Variants in PPM1N observed in about 807,000 individuals in gnomAD.
The protein encoded by PPM1N is protein phosphatase, Mg2+/Mn2+ dependent 1N (putative), also known as probable protein phosphatase 1N.
PPM1N carries 35 observed loss-of-function variants against 32.6 expected under a neutral mutation model. The ratio of observed to expected loss-of-function variants is 1.07; its 90% CI spans 0.82 to 1.43. The LOEUF is 1.43. PPM1N is among the 40% of genes most tolerant of loss of function. The pLI is 0.00. For synonymous variants in PPM1N, 275 were observed against 270.5 expected, an observed-to-expected ratio of 1.02 and a Z score of -0.16; for missense variants, 648 against 606.6, an observed-to-expected ratio of 1.07 and a Z score of -0.72.
intron 4 of PPM1N, 41 bp downstream of exon 4, chr19:45,500,751 A>ATGGCCCCCCCCC: frequency 6.7e-7 from 1 of 1,503,606 alleles, no homozygotes; most frequent in South Asian, 1.2e-5. Flanking sequence ...TTAGGAGGGG[A>ATGGCCCCCCCCC]CGCCCCCCCG....
chr19:45,500,796 G>C, intron 4 of PPM1N, 86 bp downstream of exon 4: 1 of 996,324 alleles, frequency 1.0e-6, no homozygotes, highest in African/African-American at 1.8e-5. Context: ...ATTGAAGCCA[G>C]TGAGGATAAG....
Position 45,499,420 on chromosome 19 carries a change from G to A in PPM1N, c.939+9G>A, listed in dbSNP as rs1968371911. On this transcript the variant is annotated intron_variant, in intron 1 of 4. Coordinates refer to ENST00000451287, the MANE Select transcript of PPM1N (RefSeq NM_001080401.2). ...ACACGTGTCTGTGCAAGGTCCTGGG[G>A]GCGTGGCGTGGTACCTTTGGGGCTT... is the stretch of plus-strand genomic sequence containing the variant. The A allele has an allele frequency of 6.3e-7, 1 of 1,597,620 alleles. No individual in the cohort carries two copies. The highest frequency in any genetic ancestry group is 8.5e-7 in the Non-Finnish European group (1 of 1,172,180).
chr19:45,499,378 C>T lies in PPM1N; in HGVS notation c.906C>T (p.Leu302=), dbSNP rs756655890. The T allele has an allele frequency of 6.2e-7, 1 of 1,606,522 alleles. No individual in the cohort carries two copies. The highest frequency in any genetic ancestry group is 1.1e-5 in the South Asian group (1 of 90,172). Residue 302 remains leucine, a synonymous_variant, in exon 1 of 5, where the codon CTC becomes CTT. Coordinates refer to ENST00000451287, the MANE Select transcript of PPM1N (RefSeq NM_001080401.2). The part of the protein sequence containing the change: ...RLRLGLAPEL[L]CAQLLDTCLC... ...GCTTGGGCCTGGCCCCAGAGCTTCT[C>T]TGCGCGCAGCTGTTGGACACGTGTC... is the stretch of plus-strand genomic sequence containing the variant.
At position 45,499,282 on chromosome 19, in the gene PPM1N, C is replaced by T. The variant is rs756498633; in HGVS notation, c.810C>T (p.Leu270=). ...LARQAEDEFM[L]LASDGVWDTV... Reference sequence around the variant, plus strand: ...GCCAGGCTGAGGACGAGTTCATGCTCCTGGCCTCTGATGGCGTCTGGGACA... The same window carrying T: ...GCCAGGCTGAGGACGAGTTCATGCTTCTGGCCTCTGATGGCGTCTGGGACA... The change falls in exon 1 of 5, where the codon CTC becomes CTT. Residue 270 remains leucine (L), a synonymous_variant. Transcript: ENST00000451287. The T allele has an allele frequency of 4.3e-6, 7 of 1,612,846 alleles. No individual in the cohort carries two copies. The African/African-American group carries it at 5.3e-5, about 12-fold the overall frequency.
Position 45,502,048 on chromosome 19 carries a change from C to G in PPM1N, c.1256C>G (p.Pro419Arg). ...CAGGATGGGGCTGGGAAGTCCAACC[C>G]CACGCATTTGGGCTCAGCCTTGGAC... Reference protein sequence around the residue: ...KGQDGAGKSNPTHLGSALDME... With the variant: ...KGQDGAGKSNRTHLGSALDME... Residue 419 changes from proline to arginine, a missense_variant, in exon 5 of 5, where the codon CCC becomes CGC. Coordinates refer to ENST00000451287, the MANE Select transcript of PPM1N (RefSeq NM_001080401.2). The G allele has an allele frequency of 1.3e-6, 2 of 1,547,006 alleles. No individual in the cohort carries two copies. Among genetic ancestry groups the G allele is most frequent in the African/African-American group, 1.4e-5 (1 of 70,102 alleles).
rs1261386742 is a variant in PPM1N at position 45,498,753 on chromosome 19, C to T, written c.281C>T (p.Pro94Leu). 6.4e-7 allele frequency: 1 copy of T among 1,557,754 alleles called. No individual in the cohort carries two copies. Among genetic ancestry groups the T allele is most frequent in the African/African-American group, 1.4e-5 (1 of 71,412 alleles). Residue 94 changes from proline to leucine, a missense_variant, in exon 1 of 5, where the codon CCG becomes CTG. Coordinates refer to ENST00000451287, the MANE Select transcript of PPM1N (RefSeq NM_001080401.2). ...CTWLSLPGLP[P>L]GWALFAVLDG... ...TGGCTTTCGTTACCTGGTCTGCCCC[C>T]GGGCTGGGCCTTGTTTGCCGTCCTC...
At chr19:45,499,432 T>A in intron 1 of PPM1N, 21 bp downstream of exon 1, 2 of 1,594,916 alleles carry the variant, frequency 1.3e-6, no homozygotes, top group Non-Finnish European at 1.7e-6. Flanking sequence ...CGTGGCGTGG[T>A]ACCTTTGGGG....
At position 45,498,872 on chromosome 19, in the gene PPM1N, G is replaced by A. The variant is rs9636110; in HGVS notation, c.400G>A (p.Glu134Lys). The change falls in exon 1 of 5, where the codon GAG becomes AAG. Residue 134 changes from glutamate to lysine, a missense_variant. Physicochemically the swap from Glu to Lys is moderately conservative, Grantham distance 56. Coordinates refer to ENST00000451287, the MANE Select transcript of PPM1N (RefSeq NM_001080401.2). ...QELGPEPSEP[E>K]GVREALRRAF... ...GCTGGGCCCGGAGCCTAGCGAGCCCGAGGGCGTGCGCGAGGCGCTGCGCCG... is the reference window on the plus strand; with the variant it reads ...GCTGGGCCCGGAGCCTAGCGAGCCCAAGGGCGTGCGCGAGGCGCTGCGCCG... 3 of 1,518,234 alleles carry A rather than the reference G, an allele frequency of 2.0e-6. No homozygotes were observed. Among genetic ancestry groups the A allele is most frequent in the East Asian group, 5.1e-5 (2 of 39,054 alleles). The allele number at this position is 1,518,234 out of a possible 1,614,324, so 94.0% of individuals were successfully genotyped here.
rs1226462696 is a variant in PPM1N, at chr19:45,498,981, T to C, written c.509T>C (p.Val170Ala). 1.3e-6 allele frequency: 2 copies of C among 1,563,010 alleles called. No homozygotes were observed. The highest frequency in any genetic ancestry group is 1.7e-6 in the Non-Finnish European group (2 of 1,163,824). Reference sequence around the variant, plus strand: ...GGCTGCACGGCCGTGGTGTTGCTGGTCTCCCCGCGGTTTCTGTACCTGGCG... The same window carrying C: ...GGCTGCACGGCCGTGGTGTTGCTGGCCTCCCCGCGGTTTCTGTACCTGGCG... ...TGGCTAVVLL[V>A]SPRFLYLAHC... The change falls in exon 1 of 5, where the codon GTC (valine) becomes GCC (alanine). Residue 170 changes from valine to alanine, a missense_variant. Transcript: ENST00000451287.
intron 2 of PPM1N, 83 bp downstream of exon 2, chr19:45,500,149 T>TC: frequency 5.4e-6 from 8 of 1,471,874 alleles, no homozygotes; most frequent in Non-Finnish European, 7.2e-6. Flanking sequence ...TTCTTTTTTT[T>TC]TTTGAGATGG....
At chr19:45,499,531 A>G (rs938958674) in intron 1 of PPM1N, 120 bp downstream of exon 1, 18 of 1,553,824 alleles carry the variant, frequency 1.2e-5, no homozygotes, top group Admixed American at 7.8e-5. Context: ...AGGAGGGGAT[A>G]GGACTCAAGC....
chr19:45,499,996 C>G lies in PPM1N; in HGVS notation c.987C>G (p.Ala329=), dbSNP rs767514876. 7 of 1,604,112 alleles carry G rather than the reference C, an allele frequency of 4.4e-6. No homozygotes were observed. In the Admixed American group the frequency reaches 6.8e-5, roughly 16 times the overall value. Reference sequence around the variant, plus strand: ...GCATCCTGGTCTGCTTCCCTGGGGCCCCTAGGCCTTCTGAGGAGGCGATCA... The same window carrying G: ...GCATCCTGGTCTGCTTCCCTGGGGCGCCTAGGCCTTCTGAGGAGGCGATCA... ...MTCILVCFPG[A]PRPSEEAIRR... Residue 329 remains alanine (A), a synonymous_variant, in exon 2 of 5, where the codon GCC becomes GCG. Transcript: ENST00000451287.
In PPM1N at chr19:45,499,199, G is replaced by C; in HGVS notation, c.727G>C (p.Gly243Arg). Reference protein sequence around the residue: ...LGDFTYKEAPGRPPELQLVSA... With the variant: ...LGDFTYKEAPRRPPELQLVSA... Reference sequence around the variant, plus strand: ...CGACTTTACCTACAAGGAGGCTCCGGGGAGGCCCCCCGAGCTACAGCTCGT... The same window carrying C: ...CGACTTTACCTACAAGGAGGCTCCGCGGAGGCCCCCCGAGCTACAGCTCGT... The change falls in exon 1 of 5, where the codon GGG becomes CGG. Residue 243 changes from glycine (G) to arginine (R), a missense_variant. Coordinates refer to ENST00000451287, the MANE Select transcript of PPM1N (RefSeq NM_001080401.2). 1 of 1,558,036 alleles carries C rather than the reference G, an allele frequency of 6.4e-7. No homozygotes were observed. The highest frequency in any genetic ancestry group is 1.2e-5 in the South Asian group (1 of 84,280).
chr19:45,502,342 A>G lies in PPM1N; in HGVS notation c.*257A>G, dbSNP rs1191803303. 2 of 561,506 alleles carry G rather than the reference A, an allele frequency of 3.6e-6. No individual in the cohort carries two copies. The highest frequency in any genetic ancestry group is 6.1e-6 in the Non-Finnish European group (2 of 327,212). The allele number at this position is 561,506 out of a possible 1,614,324, so 34.8% of individuals were successfully genotyped here. A position where few individuals can be genotyped will look rare whatever the true frequency, so the allele number is the denominator to read the frequency against. ...AAAAAAAAAAAAAAAAAACAAAAAA[A>G]CCCAACCAAATGTTTTTGAAATATT... On this transcript the variant is annotated 3_prime_UTR_variant, in exon 5 of 5. Transcript: ENST00000451287.
In PPM1N at chr19:45,502,305, A is replaced by G. The variant is rs1483181493; in HGVS notation, c.*220A>G. ...CCAGACCAAAAAGAAAAAAGCCCAA[A>G]TCGAAAAAAAAAAAAAAAAAAAAAA... On this transcript the variant is annotated 3_prime_UTR_variant, in exon 5 of 5. Coordinates refer to ENST00000451287, the MANE Select transcript of PPM1N (RefSeq NM_001080401.2). 2.0e-5 allele frequency: 6 copies of G among 296,388 alleles called. No homozygotes were observed. Among genetic ancestry groups the G allele is most frequent in the African/African-American group, 1.0e-4 (4 of 38,822 alleles). 18.4% of individuals were successfully genotyped at this position (296,388 alleles called of 1,614,324 possible).
At chr19:45,500,207 T>C (rs1968389698) in intron 2 of PPM1N, 141 bp downstream of exon 2, 8 of 1,195,260 alleles carry the variant, frequency 6.7e-6, no homozygotes, top group Non-Finnish European at 9.2e-6. Flanking sequence ...TGATCTTGGC[T>C]CACTGCAACC....
Position 45,500,542 on chromosome 19 carries a change from G to A in PPM1N, c.1144G>A (p.Gly382Arg). Reference sequence around the variant, plus strand: ...AGAGGACATCCCAGATTTACCTCCTGGGGGAGGGCTGGACTGCAAGTGAGT... The same window carrying A: ...AGAGGACATCCCAGATTTACCTCCTAGGGGAGGGCTGGACTGCAAGTGAGT... ...ASEDIPDLPP[G>R]GGLDCKATVI... is the part of the protein sequence containing the mutation. Residue 382 changes from glycine to arginine, a missense_variant, in exon 3 of 5, where the codon GGG becomes AGG. Physicochemically the swap from Gly to Arg is moderately radical, Grantham distance 125 (BLOSUM62 -2). Coordinates refer to ENST00000451287, the MANE Select transcript of PPM1N (RefSeq NM_001080401.2). The A allele has an allele frequency of 5.0e-6, 8 of 1,610,712 alleles. No individual in the cohort carries two copies. Among genetic ancestry groups the A allele is most frequent in the Non-Finnish European group, 6.8e-6 (8 of 1,178,416 alleles).
Position 45,498,621 on chromosome 19 carries a change from G to A in PPM1N, c.149G>A (p.Arg50His). ...CCTCGGTCTCTGTTGACAGCGCCGC[G>A]CCGCGCCCAGCGGCCGCACGGGGGT... ...EGPRSLLTAPRRAQRPHGGAE... is the reference protein window; with the variant it reads ...EGPRSLLTAPHRAQRPHGGAE... Residue 50 changes from arginine to histidine, a missense_variant, in exon 1 of 5, where the codon CGC (arginine) becomes CAC (histidine). Transcript: ENST00000451287. The A allele has an allele frequency of 7.1e-7, 1 of 1,416,654 alleles. No homozygotes were observed. The highest frequency in any genetic ancestry group is 9.2e-7 in the Non-Finnish European group (1 of 1,091,358). 87.8% of individuals were successfully genotyped at this position (1,416,654 alleles called of 1,614,324 possible). A position where few individuals can be genotyped will look rare whatever the true frequency, so the allele number is the denominator to read the frequency against.
At position 45,500,487 on chromosome 19, in the gene PPM1N, C is replaced by G; in HGVS notation, c.1089C>G (p.Ser363Arg). 6.2e-7 allele frequency: 1 copy of G among 1,610,920 alleles called. No individual in the cohort carries two copies. The highest frequency in any genetic ancestry group is 1.1e-5 in the South Asian group (1 of 90,396). ...ELCASAQKPPSLNTVFRTLAS... is the reference protein window; with the variant it reads ...ELCASAQKPPRLNTVFRTLAS... Reference sequence around the variant, plus strand: ...GTGCCTCTGCTCAGAAGCCCCCCAGCCTGAACACAGTTTTCAGGACTCTGG... The same window carrying G: ...GTGCCTCTGCTCAGAAGCCCCCCAGGCTGAACACAGTTTTCAGGACTCTGG... Residue 363 changes from serine to arginine, a missense_variant, in exon 3 of 5, where the codon AGC becomes AGG. By Grantham distance (110) the Ser-to-Arg change is moderately radical (BLOSUM62 -1). Coordinates refer to ENST00000451287, the MANE Select transcript of PPM1N (RefSeq NM_001080401.2).
Sources: gnomAD v4.1 joint callset for allele counts on GRCh38, gnomAD v4.1.1 for gene constraint, MANE v1.5 for transcripts, NCBI Gene and HGNC (gene_info 2026-07-23, HGNC 2026-07-21) for gene names.